AK8: variants seen among roughly 807,000 people sequenced by gnomAD.
The protein encoded by AK8 is adenylate kinase 8.
A neutral mutation model predicts 54.6 loss-of-function variants in AK8; 44 were observed. The observed-to-expected ratio is 0.81, with a 90% CI of 0.63 to 1.04. The LOEUF (loss-of-function observed/expected upper bound fraction) is 1.04. Ranked by LOEUF, AK8 falls within the 50% of genes least tolerant of loss-of-function variation. The pLI, the probability that AK8 is intolerant of heterozygous loss-of-function variation, is 0.00. For missense variants in AK8, 555 were observed against 613.6 expected (o/e 0.90, Z 1.01); for synonymous variants, 239 against 245.6 (o/e 0.97, Z 0.25).
At chr9:132,763,597 G>A (rs929958697) in intron 11 of AK8, among the ~76,000 whole-genome samples, 5 of 152,306 alleles carry the variant, frequency 3.3e-5, no homozygotes, top group East Asian at 1.9e-4. Context: ...TGTTCAAACC[G>A]TATTCAAATA....
chr9:132,875,207 T>A lies in AK8; in HGVS notation c.85-8A>T, dbSNP rs1186195799. 3 of 1,613,958 alleles carry A rather than the reference T, an allele frequency of 1.9e-6. No individual in the cohort carries two copies. The Admixed American group carries it at 5.0e-5, about 27-fold the overall frequency. ...GAGTTGCTCCAGCATGTTCTGTGGG[T>A]GCAGGGCAGACACCCAGGTGGTTAA... On this transcript the variant is annotated splice_region_variant and splice_polypyrimidine_tract_variant and intron_variant, in intron 1 of 12. Transcript: ENST00000298545.
At chr9:132,754,959 C>G (rs1220629799) in intron 11 of AK8, among the ~76,000 whole-genome samples, 3 of 152,120 alleles carry the variant, frequency 2.0e-5, no homozygotes, top group Admixed American at 1.3e-4. Flanking sequence ...GCCACCACGC[C>G]AGGCTAATTT....
intron 11 of AK8, among the ~76,000 whole-genome samples, chr9:132,732,970 C>T (rs1564371111): frequency 6.6e-6 from 1 of 152,248 alleles, no homozygotes; most frequent in Non-Finnish European, 1.5e-5. Context: ...CAGCTTCTCC[C>T]GTGGCCTTGC....
chr9:132,786,800 A>AGAC (rs1839727835), intron 11 of AK8, among the ~76,000 whole-genome samples: 2 of 152,194 alleles, frequency 1.3e-5, no homozygotes, highest in Non-Finnish European at 2.9e-5. Context: ...ACCAAGACAA[A>AGAC]CAAAAATTCA....
intron 1 of AK8, among the ~76,000 whole-genome samples, chr9:132,875,872 G>A (rs1026275182): frequency 6.6e-6 from 1 of 152,210 alleles, no homozygotes; most frequent in Non-Finnish European, 1.5e-5. Flanking sequence ...CACTAACTGT[G>A]TCTCTCCAGA....
intron 11 of AK8, among the ~76,000 whole-genome samples, chr9:132,747,391 G>T (rs1837703011): frequency 6.6e-6 from 1 of 151,674 alleles, no homozygotes; most frequent in South Asian, 2.1e-4. Flanking sequence ...TTGACCTCAT[G>T]ATCTCCCCAC....
intron 10 of AK8, among the ~76,000 whole-genome samples, chr9:132,801,987 T>C (rs1218993469): frequency 6.6e-6 from 1 of 152,228 alleles, no homozygotes; most frequent in African/African-American, 2.4e-5. Flanking sequence ...ACTGTGACGA[T>C]GAGGACTAGA....
intron 5 of AK8, among the ~76,000 whole-genome samples, chr9:132,838,146 G>A (rs1588194585): frequency 6.6e-6 from 1 of 152,164 alleles, no homozygotes; most frequent in South Asian, 2.1e-4. Context: ...ACAGCTGGTG[G>A]TTCTGTGGAC....
chr9:132,859,501 T>C (rs1312704077), intron 4 of AK8, among the ~76,000 whole-genome samples: 2 of 152,064 alleles, frequency 1.3e-5, no homozygotes, highest in Non-Finnish European at 1.5e-5. Context: ...TGTAAGCCAC[T>C]GCACCCAGCC....
chr9:132,805,888 T>C (rs1464285044), intron 10 of AK8, among the ~76,000 whole-genome samples: 8 of 152,062 alleles, frequency 5.3e-5, no homozygotes, highest in East Asian at 1.9e-4. Flanking sequence ...AAAAAGGAGC[T>C]ACTTCAAAAG....
Position 132,770,777 on chromosome 9 carries a change from C to T in AK8, c.1121+21857G>A, listed in dbSNP as rs1838936909. On this transcript the variant is annotated intron_variant, in intron 11 of 12. Coordinates refer to ENST00000298545, the MANE Select transcript of AK8 (RefSeq NM_152572.3). The surrounding 1 kb of genome is among the most constrained non-coding windows in gnomAD (Gnocchi z 4.3). ...CCCTGTTGACCCCCATTCCCCCTCC[C>T]CTGGATCCAGGAACCCAGTGGGCTC... 1.3e-5 allele frequency among the ~76,000 whole-genome samples: 2 copies of T among 152,194 alleles called. No homozygotes were observed.
At chr9:132,759,187 C>A (rs913427573) in intron 11 of AK8, among the ~76,000 whole-genome samples, 4 of 137,684 alleles carry the variant, frequency 2.9e-5, no homozygotes, top group Non-Finnish European at 4.6e-5. Context: ...CACAGTGAGA[C>A]CTGGTCTCAA....
chr9:132,764,754 T>C (rs1045327489), intron 11 of AK8, among the ~76,000 whole-genome samples: 4 of 152,208 alleles, frequency 2.6e-5, no homozygotes, highest in Non-Finnish European at 4.4e-5. Context: ...AGCTAACTGA[T>C]AGTAATGGCC....
At chr9:132,806,465 C>T (rs1348071947) in intron 10 of AK8, among the ~76,000 whole-genome samples, 2 of 152,146 alleles carry the variant, frequency 1.3e-5, no homozygotes, top group Non-Finnish European at 2.9e-5. Context: ...ACAAACACAC[C>T]GCATGCAAAG....
rs146012897 is a variant in AK8, at chr9:132,860,470, C to T, written c.333+3195G>A. 4.6e-5 allele frequency among the ~76,000 whole-genome samples: 7 copies of T among 152,280 alleles called. No individual in the cohort carries two copies. Among genetic ancestry groups the T allele is most frequent in the African/African-American group, 1.7e-4 (7 of 41,554 alleles). On this transcript the variant is annotated intron_variant, in intron 4 of 12. Transcript: ENST00000298545. This position sits in a 1 kb window ranked among gnomAD's most constrained non-coding sequence, Gnocchi z 4.4. ...ATCGTTCACATCTGGCGGACTCGAA[C>T]GCAGGTAGAGGACAGGGAGAGTTCT... is the stretch of plus-strand genomic sequence containing the variant.
At chr9:132,743,100 C>G (rs1423236711) in intron 11 of AK8, among the ~76,000 whole-genome samples, 1 of 152,250 alleles carries the variant, frequency 6.6e-6, no homozygotes, top group Admixed American at 6.5e-5. Context: ...CGGGGCTGTG[C>G]TGTGAGGCCC....
rs1554790557 is a variant in AK8, at chr9:132,783,589, A to AG, written c.1121+9044_1121+9045insC. On this transcript the variant is annotated intron_variant, in intron 11 of 12. Coordinates refer to ENST00000298545, the MANE Select transcript of AK8 (RefSeq NM_152572.3). ...GGCATAAAAGTTAAAAAAAAAAAAA[A>AG]AGAGAGAGAGACAATGAATACCTGT... Among the ~76,000 whole-genome samples the AG allele has an allele frequency of 3.1e-3, 473 of 152,014 alleles. 1 individual carries two copies. Among genetic ancestry groups the AG allele is most frequent in the African/African-American group, 0.011 (450 of 41,464 alleles).
intron 5 of AK8, among the ~76,000 whole-genome samples, chr9:132,839,824 G>T (rs554302299): frequency 6.8e-6 from 1 of 147,588 alleles, no homozygotes; most frequent in Non-Finnish European, 1.5e-5. Flanking sequence ...TTTTGCCGGG[G>T]GGGGGGGCGC....
At chr9:132,871,603 C>T (rs944263463) in intron 2 of AK8, among the ~76,000 whole-genome samples, 35 of 152,308 alleles carry the variant, frequency 2.3e-4, no homozygotes, top group Admixed American at 1.6e-3. Context: ...AGGACAGACC[C>T]CCCCGGCTGG....
Sources: gnomAD v4.1 joint callset for allele counts (sites outside exome capture counted in the v4.1 genomes callset) on GRCh38, gnomAD v4.1.1 for gene constraint, Gnocchi (gnomAD v3.1) non-coding constraint, MANE v1.5 for transcripts, NCBI Gene and HGNC (gene_info 2026-07-23, HGNC 2026-07-21) for gene names.